The following COLEC10 variants were observed in gnomAD, a reference collection of about 807,000 sequenced individuals.
COLEC10 encodes the protein collectin-10.
Under a neutral mutation model 28.4 loss-of-function variants are expected in COLEC10, and 22 were observed. The ratio of observed to expected loss-of-function variants is 0.78; its 90% CI spans 0.55 to 1.11. COLEC10 has a LOEUF of 1.11. Ranked by LOEUF, COLEC10 falls within the 50% of genes least tolerant of loss-of-function variation. COLEC10 has a pLI of 0.00. For missense variants in COLEC10, 361 were observed against 344.1 expected (o/e 1.05, Z -0.39); for synonymous variants, 125 against 116.1 (o/e 1.08, Z -0.49).
At chr8:119,004,933 G>T (rs925474123) in intron 1 of COLEC10, among the ~76,000 whole-genome samples, 1 of 151,838 alleles carries the variant, frequency 6.6e-6, no homozygotes, top group Non-Finnish European at 1.5e-5. Flanking sequence ...CTATTTATTG[G>T]TCTTTATACT....
rs1436423531 is a variant in COLEC10 at position 119,005,799 on chromosome 8, A to G, written n.123-3642A>G. 2.0e-5 allele frequency among the ~76,000 whole-genome samples: 3 copies of G among 152,132 alleles called. No homozygotes were observed. In the East Asian group the frequency reaches 5.8e-4, roughly 29 times the overall value. ...TAATCTTTGGCATGCAGTAACATAT[A>G]AAGGCTATCACATGGGGTGGATTGT... On this transcript the variant is annotated intron_variant and non_coding_transcript_variant, in intron 1 of 6. Transcript: ENST00000521788.
At chr8:119,097,183 T>C (rs561849404) in intron 3 of COLEC10, among the ~76,000 whole-genome samples, 1 of 152,220 alleles carries the variant, frequency 6.6e-6, no homozygotes, top group South Asian at 2.1e-4. Context: ...ATCTAGGTAT[T>C]GTTTACACAG....
chr8:119,074,179 A>C (rs1311518997), intron 1 of COLEC10, among the ~76,000 whole-genome samples: 2 of 152,084 alleles, frequency 1.3e-5, no homozygotes, highest in Non-Finnish European at 2.9e-5. Flanking sequence ...GAGACAATTA[A>C]TGGGTACAAA....
intron 2 of COLEC10, among the ~76,000 whole-genome samples, chr8:119,038,112 A>C (rs1303999406): frequency 6.6e-6 from 1 of 152,202 alleles, no homozygotes; most frequent in South Asian, 2.1e-4. Context: ...GATTCTCGCT[A>C]TTTGCTGTTG....
chr8:119,044,882 G>A (rs994354758), intron 2 of COLEC10, among the ~76,000 whole-genome samples: 2 of 151,484 alleles, frequency 1.3e-5, no homozygotes, highest in African/African-American at 4.8e-5. Context: ...GAGTTGAGAT[G>A]CAAGTGCAGT....
upstream of COLEC10, among the ~76,000 whole-genome samples, chr8:119,063,607 C>T (rs1814896856): frequency 6.6e-6 from 1 of 151,928 alleles, no homozygotes; most frequent in Non-Finnish European, 1.5e-5. Context: ...AGGATGATCT[C>T]ATCTTGAGAC....
chr8:119,062,886 A>G (rs1033656495), upstream of COLEC10: 6 of 152,222 alleles, frequency 3.9e-5, no homozygotes, highest in African/African-American at 1.4e-4. Context: ...AAGTCATTCT[A>G]CTAATTTTCA....
chr8:119,037,309 C>T (rs1471117749), intron 2 of COLEC10, among the ~76,000 whole-genome samples: 2 of 152,196 alleles, frequency 1.3e-5, no homozygotes, highest in Admixed American at 6.5e-5. Flanking sequence ...TTTTACGGAA[C>T]ACAGAACAGT....
At position 119,057,376 on chromosome 8, in the gene COLEC10, G is replaced by A. The variant is rs1814783080; in HGVS notation, n.236-32304G>A. Among the ~76,000 whole-genome samples, 3 of 152,112 alleles carry A rather than the reference G, an allele frequency of 2.0e-5. No individual in the cohort carries two copies. In the South Asian group the frequency reaches 6.2e-4, roughly 32 times the overall value. On this transcript the variant is annotated intron_variant and non_coding_transcript_variant, in intron 2 of 6. Transcript: ENST00000521788. Reference sequence around the variant, plus strand: ...TTCCTTTATAAATTACCCAGTCTTAGGTATTTATTTATAGCAGTGTGAAAA... The same window carrying A: ...TTCCTTTATAAATTACCCAGTCTTAAGTATTTATTTATAGCAGTGTGAAAA...
intron 2 of COLEC10, among the ~76,000 whole-genome samples, chr8:119,027,182 T>C (rs1307712359): frequency 2.0e-5 from 3 of 152,202 alleles, no homozygotes; most frequent in African/African-American, 4.8e-5. Context: ...GCCCAATCAG[T>C]TGTGTTATTC....
At chr8:119,047,085 G>A (rs542884585) in intron 2 of COLEC10, among the ~76,000 whole-genome samples, 109 of 152,200 alleles carry the variant, frequency 7.2e-4, no homozygotes, top group African/African-American at 2.6e-3. Flanking sequence ...CTTCTACCTT[G>A]AACTCTATTC....
chr8:119,078,047 C>T (rs963112476), intron 1 of COLEC10, among the ~76,000 whole-genome samples: 2 of 152,150 alleles, frequency 1.3e-5, no homozygotes, highest in African/African-American at 2.4e-5. Context: ...CCTGTGTAAA[C>T]TGAGAGTGAG....
the COLEC10 span, among the ~76,000 whole-genome samples, chr8:118,970,202 G>C: frequency 6.6e-6 from 1 of 152,024 alleles, no homozygotes; most frequent in Non-Finnish European, 1.5e-5. Context: ...TGTATCTTGA[G>C]TTTAATAAGT....
chr8:119,077,142 G>A lies in COLEC10; in HGVS notation c.148+9713G>A, dbSNP rs1418223038. On this transcript the variant is annotated intron_variant, in intron 1 of 5. Transcript: ENST00000332843. ...GCTCACATAAAATGTACAAAGGCAAGGGATATGACCTGCTTTCCTCAATTG... is the reference window on the plus strand; with the variant it reads ...GCTCACATAAAATGTACAAAGGCAAAGGATATGACCTGCTTTCCTCAATTG... 2.6e-5 allele frequency among the ~76,000 whole-genome samples: 4 copies of A among 151,954 alleles called. No homozygotes were observed. The East Asian group carries it at 5.8e-4, about 22-fold the overall frequency.
the COLEC10 span, among the ~76,000 whole-genome samples, chr8:118,968,135 T>A: frequency 1.6e-3 from 241 of 152,172 alleles, no homozygotes; most frequent in Middle Eastern, 3.4e-3. Context: ...AGGTTTTTTT[T>A]AAATACAAGT....
rs562169505 is a variant in COLEC10, at chr8:119,018,804, T to C, written n.235+9251T>C. ...ATTCTTCCCTTTAGCATGGAGATTATGTGATTCTGATTCCATAGGTAGTAA... is the reference window on the plus strand; with the variant it reads ...ATTCTTCCCTTTAGCATGGAGATTACGTGATTCTGATTCCATAGGTAGTAA... On this transcript the variant is annotated intron_variant and non_coding_transcript_variant, in intron 2 of 6. Transcript: ENST00000521788. Among the ~76,000 whole-genome samples, 9 of 152,292 alleles carry C rather than the reference T, an allele frequency of 5.9e-5. No homozygotes were observed. The East Asian group carries it at 1.7e-3, about 29-fold the overall frequency.
upstream of COLEC10, among the ~76,000 whole-genome samples, chr8:118,991,483 A>T (rs1447454799): frequency 1.3e-5 from 2 of 152,172 alleles, no homozygotes; most frequent in Non-Finnish European, 2.9e-5. Context: ...AGTCACTGAA[A>T]CCTACAGAGG....
chr8:119,070,477 CCTT>C (rs1815088713), intron 1 of COLEC10, among the ~76,000 whole-genome samples: 1 of 101,794 alleles, frequency 9.8e-6, no homozygotes, highest in Non-Finnish European at 2.0e-5. Flanking sequence ...CTCTCTCTCT[CCTT>C]CCCCCTCCTT....
chr8:119,035,181 C>G (rs995910208), intron 2 of COLEC10, among the ~76,000 whole-genome samples: 3 of 152,216 alleles, frequency 2.0e-5, no homozygotes, highest in African/African-American at 7.2e-5. Flanking sequence ...CTAAAAGTTT[C>G]TCTCAGATAT....
Sources: gnomAD v4.1 joint callset for allele counts (sites outside exome capture counted in the v4.1 genomes callset) on GRCh38, gnomAD v4.1.1 for gene constraint, MANE v1.5 for transcripts, NCBI Gene and HGNC (gene_info 2026-07-23, HGNC 2026-07-21) for gene names.